FRMD4A: variants seen among roughly 807,000 people sequenced by gnomAD.
FRMD4A encodes FERM domain-containing protein 4A.
FRMD4A carries 29 observed loss-of-function variants against 129.1 expected under a neutral mutation model. That is an observed-to-expected ratio of 0.22 (90% confidence interval 0.17 to 0.31). The LOEUF is 0.31. Among genes scored for constraint, FRMD4A ranks in the 10% least tolerant of loss-of-function variants. The pLI is 1.00. For missense variants in FRMD4A, 1,272 were observed against 1,375.8 expected (o/e 0.92, Z 1.19); for synonymous variants, 634 against 571.6 (o/e 1.11, Z -1.56).
intron 12 of FRMD4A, among the ~76,000 whole-genome samples, chr10:13,734,076 C>T (rs550284319): frequency 6.6e-6 from 1 of 152,196 alleles, no homozygotes; most frequent in Non-Finnish European, 1.5e-5. Context: ...ACTCCCAGAC[C>T]TCCTCTTCTC....
At chr10:14,092,442 T>A (rs1253862880) in intron 2 of FRMD4A, among the ~76,000 whole-genome samples, 2 of 152,194 alleles carry the variant, frequency 1.3e-5, no homozygotes, top group African/African-American at 2.4e-5. Context: ...GGGCTGGGAA[T>A]GGACTCTGTT....
chr10:14,321,247 T>C (rs973326118), intron 2 of FRMD4A, among the ~76,000 whole-genome samples: 1 of 151,906 alleles, frequency 6.6e-6, no homozygotes, highest in Non-Finnish European at 1.5e-5. Context: ...TCTATACTTA[T>C]GAGGCACTCA....
In FRMD4A at chr10:14,304,946, G is replaced by A. The variant is rs146725433; in HGVS notation, c.45+25112C>T. ...TGAATGTGTGGCAGATGCTCACAGT[G>A]GAAACGGGTTTGATAAAGCTTCCCT... is the stretch of plus-strand genomic sequence containing the variant. On this transcript the variant is annotated intron_variant, in intron 2 of 24. Coordinates refer to ENST00000357447, the MANE Select transcript of FRMD4A (RefSeq NM_018027.5). 4.8e-3 allele frequency among the ~76,000 whole-genome samples: 726 copies of A among 152,288 alleles called. 8 individuals carry two copies. Among genetic ancestry groups the A allele is most frequent in the African/African-American group, 0.017 (691 of 41,556 alleles).
chr10:13,862,034 G>A (rs760195005), intron 2 of FRMD4A, among the ~76,000 whole-genome samples: 5 of 152,092 alleles, frequency 3.3e-5, no homozygotes, highest in Non-Finnish European at 5.9e-5. Context: ...AGAACCTAAG[G>A]TCAATAGAGT....
intron 15 of FRMD4A, among the ~76,000 whole-genome samples, chr10:13,686,271 A>G (rs144105683): frequency 1.3e-5 from 2 of 152,386 alleles, no homozygotes; most frequent in South Asian, 2.1e-4. Context: ...AGGAAGGACA[A>G]AAGAGAAGGG....
intron 2 of FRMD4A, among the ~76,000 whole-genome samples, chr10:14,185,648 G>A (rs570035423): frequency 1.3e-5 from 2 of 152,294 alleles, no homozygotes; most frequent in African/African-American, 2.4e-5. Context: ...GAGCTGCAGG[G>A]GCGGTTGTTA....
At chr10:13,939,364 T>C (rs1370883656) in intron 2 of FRMD4A, among the ~76,000 whole-genome samples, 1 of 152,224 alleles carries the variant, frequency 6.6e-6, no homozygotes, top group East Asian at 1.9e-4. Flanking sequence ...GTAAAAGCTG[T>C]AATGCATTAT....
intron 2 of FRMD4A, among the ~76,000 whole-genome samples, chr10:14,204,423 C>CAA (rs747968021): frequency 4.3e-4 from 59 of 138,318 alleles, no homozygotes; most frequent in African/African-American, 1.5e-3. Flanking sequence ...GAGACGCAGT[C>CAA]AAAAAAAAAA....
chr10:14,028,453 G>T (rs979854575), intron 2 of FRMD4A, among the ~76,000 whole-genome samples: 2 of 152,166 alleles, frequency 1.3e-5, no homozygotes, highest in Non-Finnish European at 2.9e-5. Context: ...GACAAAGGGG[G>T]AGAAGAGGCT....
chr10:14,188,730 C>A (rs1842224828), intron 2 of FRMD4A, among the ~76,000 whole-genome samples: 1 of 152,170 alleles, frequency 6.6e-6, no homozygotes, highest in Non-Finnish European at 1.5e-5. Flanking sequence ...CATAGTGAGA[C>A]CCCGTCCCTA....
chr10:13,707,610 T>A (rs2087598106), intron 12 of FRMD4A: 3 of 988,612 alleles, frequency 3.0e-6, no homozygotes, highest in Middle Eastern at 5.2e-4. Context: ...GGCGTTCAAA[T>A]TCCCAGCCTC....
At chr10:14,158,532 AG>A (rs1208984664) in intron 2 of FRMD4A, among the ~76,000 whole-genome samples, 17 of 152,192 alleles carry the variant, frequency 1.1e-4, no homozygotes, top group Admixed American at 1.1e-3. Context: ...GGATCGCTTG[AG>A]CCCAGGAGTT....
At chr10:14,233,289 G>C (rs1843695328) in intron 2 of FRMD4A, among the ~76,000 whole-genome samples, 1 of 152,154 alleles carries the variant, frequency 6.6e-6, no homozygotes, top group Non-Finnish European at 1.5e-5. Flanking sequence ...CAGTCATCTG[G>C]CTAGGAGCAG....
intron 6 of FRMD4A, among the ~76,000 whole-genome samples, chr10:13,767,261 CA>C (rs2092316256): frequency 6.6e-6 from 1 of 151,870 alleles, no homozygotes; most frequent in Admixed American, 6.6e-5. Context: ...TTTTTTGAGA[CA>C]GGATCTCACT....
At chr10:13,879,606 T>C (rs1224525277) in intron 2 of FRMD4A, among the ~76,000 whole-genome samples, 2 of 152,202 alleles carry the variant, frequency 1.3e-5, no homozygotes, top group African/African-American at 2.4e-5. Context: ...ATTCAATTTG[T>C]ACAATGGCAC....
intron 2 of FRMD4A, among the ~76,000 whole-genome samples, chr10:14,205,820 A>AG (rs1298939141): frequency 1.3e-5 from 2 of 151,838 alleles, no homozygotes; most frequent in African/African-American, 4.8e-5. Flanking sequence ...AAAAAAAAAA[A>AG]AAAAAAAAAG....
chr10:14,242,409 G>A (rs1408703955), intron 2 of FRMD4A, among the ~76,000 whole-genome samples: 1 of 152,136 alleles, frequency 6.6e-6, no homozygotes, highest in Non-Finnish European at 1.5e-5. Flanking sequence ...TATTATATTA[G>A]ATTTTGCAGA....
chr10:13,781,807 CA>C (rs1168965311), intron 6 of FRMD4A, among the ~76,000 whole-genome samples: 1 of 116,346 alleles, frequency 8.6e-6, no homozygotes, highest in African/African-American at 3.7e-5. Context: ...TAGTGGTTGC[CA>C]GTGGCTGAGG....
intron 2 of FRMD4A, among the ~76,000 whole-genome samples, chr10:13,999,207 G>A (rs533282008): frequency 8.4e-4 from 128 of 152,038 alleles, no homozygotes; most frequent in Admixed American, 9.8e-4. Flanking sequence ...CATGCTGCAC[G>A]CTCCGTCTCC....
Sources: allele counts gnomAD v4.1 joint callset (sites outside exome capture counted in the v4.1 genomes callset), GRCh38; gene constraint gnomAD v4.1.1; transcripts MANE v1.5; gene names NCBI Gene and HGNC (gene_info 2026-07-23, HGNC 2026-07-21).